Variants in ZDHHC17 observed in about 807,000 individuals in gnomAD.
The protein encoded by ZDHHC17 is palmitoyltransferase ZDHHC17.
Under a neutral mutation model 90.3 loss-of-function variants are expected in ZDHHC17, and 40 were observed. The observed-to-expected ratio is 0.44, with a 90% CI of 0.34 to 0.58. ZDHHC17 has a LOEUF of 0.58. ZDHHC17 is among the 20% of genes least tolerant of loss of function. The pLI, the probability that ZDHHC17 is intolerant of heterozygous loss-of-function variation, is 0.01. For synonymous variants in ZDHHC17, 235 were observed against 252.4 expected (o/e 0.93, Z 0.65); for missense variants, 614 against 780.8 (o/e 0.79, Z 2.55).
chr12:76,811,299 C>G (rs369869187), intron 5 of ZDHHC17, among the ~76,000 whole-genome samples: 2 of 152,166 alleles, frequency 1.3e-5, no homozygotes, highest in Admixed American at 1.3e-4. Context: ...AACGTTGAAG[C>G]AGTAAATGGT....
chr12:76,832,905 C>T (rs80273402), intron 10 of ZDHHC17, among the ~76,000 whole-genome samples: 4,033 of 152,272 alleles, frequency 0.026, 181 homozygotes, highest in African/African-American at 0.09. Context: ...TCAAATTTTT[C>T]ACTGTTTTGT....
intron 10 of ZDHHC17, among the ~76,000 whole-genome samples, chr12:76,833,329 T>C (rs531033405): frequency 1.3e-5 from 2 of 152,360 alleles, no homozygotes; most frequent in East Asian, 1.9e-4. Flanking sequence ...TGTTATGTCT[T>C]GCTCAAAGTC....
At chr12:76,764,608 C>T in intron 1 of ZDHHC17, 1 of 540,160 alleles carries the variant, frequency 1.9e-6, no homozygotes, top group Non-Finnish European at 3.4e-6. Context: ...CGCCGCGCTG[C>T]GTTTGAGAGC....
In ZDHHC17 at chr12:76,797,551, T is replaced by G. The variant is rs1424620938; in HGVS notation, c.197+14T>G. The G allele has an allele frequency of 3.8e-6, 6 of 1,558,662 alleles. No individual in the cohort carries two copies. The highest frequency in any genetic ancestry group is 5.2e-6 in the Non-Finnish European group (6 of 1,150,690). ...CAAGGCTACACAGTAAGGTTTTTGT[T>G]GTAGTTGTTTTCTTTGGCATGTGTA... On this transcript the variant is annotated intron_variant, in intron 2 of 16. Coordinates refer to ENST00000426126, the MANE Select transcript of ZDHHC17 (RefSeq NM_015336.4).
At chr12:76,822,067 T>C (rs924169507) in intron 7 of ZDHHC17, among the ~76,000 whole-genome samples, 3 of 152,174 alleles carry the variant, frequency 2.0e-5, no homozygotes, top group African/African-American at 7.2e-5. Context: ...TAACTATTAC[T>C]AATGAAATTT....
At position 76,815,133 on chromosome 12, in the gene ZDHHC17, T is replaced by A. The variant is rs147612581; in HGVS notation, c.544-13T>A. 6.5e-7 allele frequency: 1 copy of A among 1,533,738 alleles called. No individual in the cohort carries two copies. ...ATTTAACTGTCTGACTTTTTTTCTT[T>A]TTACTTTATCAGGATGTAGATATGA... On this transcript the variant is annotated splice_polypyrimidine_tract_variant and intron_variant, in intron 5 of 16. Transcript: ENST00000426126.
chr12:76,822,475 A>G lies in ZDHHC17; in HGVS notation c.841A>G (p.Arg281Gly). The G allele has an allele frequency of 6.2e-7, 1 of 1,613,490 alleles. No homozygotes were observed. Among genetic ancestry groups the G allele is most frequent in the East Asian group, 2.2e-5 (1 of 44,852 alleles). ...GATGATCAACCACTTACAAGAGGCA[A>G]GGCAAGCAAAAGGATATGACAATCC... ...VWMINHLQEA[R>G]QAKGYDNPSF... Residue 281 changes from arginine to glycine, a missense_variant, in exon 8 of 17, where the codon AGG becomes GGG. Physicochemically the swap from Arg to Gly is moderately radical, Grantham distance 125 (BLOSUM62 -2). This residue lies in a region of ZDHHC17 where 358 missense variants were observed against 380.4 expected (regional missense o/e 0.94). Transcript: ENST00000426126.
intron 1 of ZDHHC17, among the ~76,000 whole-genome samples, chr12:76,794,853 T>G (rs74104851): frequency 1.1e-4 from 17 of 152,166 alleles, no homozygotes; most frequent in Non-Finnish European, 2.2e-4. Context: ...AGAAAGAGAC[T>G]TATTTTTATT....
At chr12:76,823,164 A>G (rs1011006433) in intron 8 of ZDHHC17, among the ~76,000 whole-genome samples, 8 of 152,196 alleles carry the variant, frequency 5.3e-5, no homozygotes, top group Non-Finnish European at 1.0e-4. Context: ...AGATAAAAAT[A>G]AAGGTTTTTC....
chr12:76,841,625 C>T (rs370282608), intron 10 of ZDHHC17, among the ~76,000 whole-genome samples: 5 of 151,912 alleles, frequency 3.3e-5, no homozygotes, highest in African/African-American at 1.2e-4. Context: ...TTTAAATATA[C>T]GAGTATGATA....
At chr12:76,811,736 T>TA (rs1953024583) in intron 5 of ZDHHC17, among the ~76,000 whole-genome samples, 6 of 93,610 alleles carry the variant, frequency 6.4e-5, no homozygotes, top group Non-Finnish European at 1.2e-4. Context: ...CTTGGCCATC[T>TA]GCTGACTGAG....
chr12:76,813,145 A>G (rs562405767), intron 5 of ZDHHC17, among the ~76,000 whole-genome samples: 210 of 152,276 alleles, frequency 1.4e-3, no homozygotes, highest in Admixed American at 2.0e-3. Context: ...AACTAAGAAG[A>G]AGGAGAAACT....
At position 76,809,762 on chromosome 12, in the gene ZDHHC17, C is replaced by G. The variant is rs774934467; in HGVS notation, c.448C>G (p.Pro150Ala). 5 of 1,599,680 alleles carry G rather than the reference C, an allele frequency of 3.1e-6. No homozygotes were observed. The highest frequency in any genetic ancestry group is 4.3e-6 in the Non-Finnish European group (5 of 1,173,628). ...GCAACTAATGAAATATGGTGCAGAT[C>G]CTTCATTAATTGATGGAGAAGGATG... is the stretch of plus-strand genomic sequence containing the variant. Reference protein sequence around the residue: ...VVQLMKYGADPSLIDGEGCSC... With the variant: ...VVQLMKYGADASLIDGEGCSC... Residue 150 changes from proline (P) to alanine (A), a missense_variant, in exon 5 of 17, where the codon CCT becomes GCT. Transcript: ENST00000426126.
chr12:76,822,854 C>T (rs541362521), intron 8 of ZDHHC17, among the ~76,000 whole-genome samples: 4 of 152,048 alleles, frequency 2.6e-5, no homozygotes, highest in Admixed American at 1.3e-4. Context: ...CATGAGCCAC[C>T]GCGCCCAGCT....
intron 1 of ZDHHC17, among the ~76,000 whole-genome samples, chr12:76,772,543 T>G (rs927397683): frequency 4.8e-4 from 72 of 150,822 alleles, no homozygotes; most frequent in Non-Finnish European, 9.3e-4. Flanking sequence ...TTGTTTTTTT[T>G]TTTTTTTTTT....
At chr12:76,822,002 A>G (rs778314739) in intron 7 of ZDHHC17, among the ~76,000 whole-genome samples, 2 of 152,138 alleles carry the variant, frequency 1.3e-5, no homozygotes, top group Non-Finnish European at 2.9e-5. Flanking sequence ...CATTGTTGAA[A>G]TAAAACTGAG....
chr12:76,801,400 TC>T (rs1447521057), intron 2 of ZDHHC17, among the ~76,000 whole-genome samples: 1 of 151,530 alleles, frequency 6.6e-6, no homozygotes, highest in Non-Finnish European at 1.5e-5. Context: ...ATGCCTGTAA[TC>T]CCAGCACTTT....
chr12:76,797,291 T>G, intron 1 of ZDHHC17, 143 bp from the exon 2 acceptor site: 1 of 495,462 alleles, frequency 2.0e-6, no homozygotes, highest in Non-Finnish European at 3.4e-6. Flanking sequence ...AATAAAAGAG[T>G]ATAGACTTTA....
At chr12:76,766,684 A>C (rs971687533) in intron 1 of ZDHHC17, among the ~76,000 whole-genome samples, 9 of 152,172 alleles carry the variant, frequency 5.9e-5, no homozygotes, top group African/African-American at 2.2e-4. Context: ...AAGTGACCTG[A>C]GACAAGTGCT....
Sources: allele counts gnomAD v4.1 joint callset (sites outside exome capture counted in the v4.1 genomes callset), GRCh38; gene constraint gnomAD v4.1.1; regional missense constraint gnomAD v4.1.1; transcripts MANE v1.5; gene names NCBI Gene and HGNC (gene_info 2026-07-23, HGNC 2026-07-21).